Variants in CRYBG1 observed in about 807,000 individuals in gnomAD.
CRYBG1 encodes crystallin beta-gamma domain containing 1.
CRYBG1 carries 139 observed loss-of-function variants against 189.2 expected under a neutral mutation model. That is an observed-to-expected ratio of 0.73 (90% CI 0.64 to 0.85). The LOEUF is 0.85. Ranked by LOEUF, CRYBG1 falls within the 40% of genes least tolerant of loss-of-function variation. The pLI, the probability that CRYBG1 is intolerant of heterozygous loss-of-function variation, is 0.00. For missense variants in CRYBG1, 2,611 were observed against 2,675.8 expected (o/e 0.98, Z 0.53); for synonymous variants, 1,023 against 1,017.1 (o/e 1.01, Z -0.11).
intron 1 of CRYBG1, among the ~76,000 whole-genome samples, chr6:106,423,397 A>G (rs921291466): frequency 6.6e-6 from 1 of 151,438 alleles, no homozygotes; most frequent in Non-Finnish European, 1.5e-5. Flanking sequence ...AAAAAAAAAA[A>G]TTCCTTTATC....
chr6:106,463,267 C>T (rs1368013380), intron 2 of CRYBG1, among the ~76,000 whole-genome samples: 2 of 152,054 alleles, frequency 1.3e-5, no homozygotes, highest in African/African-American at 2.4e-5. Context: ...AACTTCTGTC[C>T]TACTTTGTAA....
At chr6:106,400,350 A>G (rs1770699379) in intron 1 of CRYBG1, among the ~76,000 whole-genome samples, 1 of 152,252 alleles carries the variant, frequency 6.6e-6, no homozygotes, top group South Asian at 2.1e-4. Context: ...GACATTGTCA[A>G]ATCTTACTTG....
At chr6:106,377,065 C>T (rs1422732055) in intron 1 of CRYBG1, among the ~76,000 whole-genome samples, 3 of 152,192 alleles carry the variant, frequency 2.0e-5, no homozygotes, top group Non-Finnish European at 1.5e-5. Flanking sequence ...GATACCTTCC[C>T]TGCCAAATGT....
At chr6:106,432,311 A>G (rs1428190805) in intron 1 of CRYBG1, among the ~76,000 whole-genome samples, 2 of 152,166 alleles carry the variant, frequency 1.3e-5, no homozygotes, top group Non-Finnish European at 2.9e-5. Flanking sequence ...GAAATTATAC[A>G]ACTTTGTTTG....
chr6:106,568,728 A>G lies in CRYBG1; in HGVS notation c.*162A>G. On this transcript the variant is annotated 3_prime_UTR_variant, in exon 22 of 22. Coordinates refer to ENST00000633556, the MANE Select transcript of CRYBG1 (RefSeq NM_001371242.2). ...CTGCCATGACTCAGAGAACTTACTCATCGTTTCAAAAGACTATCATAGCTT... is the reference window on the plus strand; with the variant it reads ...CTGCCATGACTCAGAGAACTTACTCGTCGTTTCAAAAGACTATCATAGCTT... 1.8e-6 allele frequency: 1 copy of G among 550,982 alleles called. No homozygotes were observed. The highest frequency in any genetic ancestry group is 3.2e-6 in the Non-Finnish European group (1 of 308,338). The allele number at this position is 550,982 out of a possible 1,614,324, so 34.1% of individuals were successfully genotyped here.
intron 1 of CRYBG1, among the ~76,000 whole-genome samples, chr6:106,366,457 C>T: frequency 6.6e-6 from 1 of 152,158 alleles, no homozygotes; most frequent in Non-Finnish European, 1.5e-5. Flanking sequence ...GATCTGTGAC[C>T]TATCTCTTAA....
intron 1 of CRYBG1, among the ~76,000 whole-genome samples, chr6:106,385,848 G>C (rs972617796): frequency 6.6e-6 from 1 of 152,120 alleles, no homozygotes; most frequent in Non-Finnish European, 1.5e-5. Flanking sequence ...AGGATCAACT[G>C]TTCACCAATA....
At chr6:106,497,479 C>A (rs1772878578) in intron 2 of CRYBG1, among the ~76,000 whole-genome samples, 1 of 152,192 alleles carries the variant, frequency 6.6e-6, no homozygotes, top group South Asian at 2.1e-4. Context: ...TCCCCCTGCA[C>A]CCCTTAGTAG....
intron 1 of CRYBG1, among the ~76,000 whole-genome samples, chr6:106,451,202 C>T (rs1490205890): frequency 1.3e-5 from 2 of 152,138 alleles, no homozygotes; most frequent in Non-Finnish European, 2.9e-5. Flanking sequence ...GTTTCCATTC[C>T]TTTTGAATCT....
At chr6:106,503,606 G>C (rs7765718) in intron 2 of CRYBG1, among the ~76,000 whole-genome samples, 29,269 of 152,170 alleles carry the variant, frequency 0.19, 3,403 homozygotes, top group South Asian at 0.3. Flanking sequence ...AAGGTGCGGA[G>C]AAAATTCTGG....
In CRYBG1 at chr6:106,375,219, TA is replaced by T. The variant is rs540493835; in HGVS notation, c.173+14146del. Among the ~76,000 whole-genome samples, 134 of 151,306 alleles carry T rather than the reference TA, an allele frequency of 8.9e-4. 1 individual carries two copies. The highest frequency in any genetic ancestry group is 3.4e-3 in the Middle Eastern group (1 of 290). On this transcript the variant is annotated intron_variant, in intron 1 of 21. Coordinates refer to ENST00000633556, the MANE Select transcript of CRYBG1 (RefSeq NM_001371242.2). ...ACAACATAGTGAGACCCTGTCTCCATAAAAAAAATTTTTGAAATTAGCCAGG... is the reference window on the plus strand; with the variant it reads ...ACAACATAGTGAGACCCTGTCTCCATAAAAAAATTTTTGAAATTAGCCAGG...
At chr6:106,402,812 T>A (rs1770746597) in intron 1 of CRYBG1, among the ~76,000 whole-genome samples, 1 of 151,466 alleles carries the variant, frequency 6.6e-6, no homozygotes, top group African/African-American at 2.4e-5. Context: ...CCTGAAGGAA[T>A]GATAATTAGC....
chr6:106,556,515 T>C (rs1254552071), intron 17 of CRYBG1, among the ~76,000 whole-genome samples: 1 of 152,262 alleles, frequency 6.6e-6, no homozygotes, highest in Non-Finnish European at 1.5e-5. Context: ...TGCAATCAAA[T>C]GACTTCTCCC....
chr6:106,441,165 C>A (rs555580827), intron 1 of CRYBG1, among the ~76,000 whole-genome samples: 182 of 152,110 alleles, frequency 1.2e-3, no homozygotes, highest in Non-Finnish European at 2.4e-3. Flanking sequence ...AATAATGAAG[C>A]AAGTTGTATG....
intron 1 of CRYBG1, among the ~76,000 whole-genome samples, chr6:106,372,012 T>A (rs967085315): frequency 1.1e-4 from 16 of 152,224 alleles, no homozygotes; most frequent in Non-Finnish European, 2.2e-4. Flanking sequence ...CATCATGTAG[T>A]TTCTTCCTAC....
Position 106,502,237 on chromosome 6 carries a change from CT to C in CRYBG1, c.313-9189del, listed in dbSNP as rs75621953. On this transcript the variant is annotated intron_variant, in intron 2 of 21. Transcript: ENST00000633556. ...CTTAGATTCTGAGACTCACCAGTGGCTTTTAAGTGCTTTAAAGTAACCATTC... is the reference window on the plus strand; with the variant it reads ...CTTAGATTCTGAGACTCACCAGTGGCTTTAAGTGCTTTAAAGTAACCATTC... Among the ~76,000 whole-genome samples, 1,665 of 152,330 alleles carry C rather than the reference CT, an allele frequency of 0.011. 123 individuals carry two copies. In the East Asian group the frequency reaches 0.21, roughly 19 times the overall value.
intron 2 of CRYBG1, among the ~76,000 whole-genome samples, chr6:106,459,782 C>T (rs934603537): frequency 2.0e-5 from 3 of 151,860 alleles, no homozygotes; most frequent in African/African-American, 7.3e-5. Context: ...GGGATAAATT[C>T]CCTAGAAGTG....
At position 106,512,217 on chromosome 6, in the gene CRYBG1, AG is replaced by A; in HGVS notation, c.1103del (p.Gly368ValfsTer9). The A allele has an allele frequency of 6.5e-7, 1 of 1,536,834 alleles. No homozygotes were observed. The highest frequency in any genetic ancestry group is 8.7e-7 in the Non-Finnish European group (1 of 1,146,896). On this transcript the variant is annotated frameshift_variant, in exon 3 of 22. Transcript: ENST00000633556. LOFTEE classifies it high-confidence loss of function. ...SAQADCTARP[K>X]GHAHPAKVLT... is the part of the protein sequence containing the mutation. The stretch of plus-strand genomic sequence containing the variant: ...CAGGCAGACTGCACAGCCCGCCCCA[AG>A]GGTCACGCCCACCCTGCTAAGGTGC...
intron 1 of CRYBG1, among the ~76,000 whole-genome samples, chr6:106,377,621 T>TATATATA (rs1419204336): frequency 2.9e-5 from 2 of 69,454 alleles, no homozygotes; most frequent in African/African-American, 7.1e-5. Flanking sequence ...TCCTAAGGTT[T>TATATATA]TATATATATA....
Sources: allele counts gnomAD v4.1 joint callset (sites outside exome capture counted in the v4.1 genomes callset), GRCh38; gene constraint gnomAD v4.1.1; transcripts MANE v1.5; gene names NCBI Gene and HGNC (gene_info 2026-07-23, HGNC 2026-07-21).